Variants in SSH1 observed in about 807,000 individuals in gnomAD.
SSH1 encodes the protein protein phosphatase Slingshot homolog 1.
In SSH1, 43 loss-of-function variants were observed where a neutral mutation model predicts 79.7. The observed-to-expected ratio is 0.54, with a 90% CI of 0.42 to 0.70. The LOEUF is 0.70. Among genes scored for constraint, SSH1 ranks in the 30% least tolerant of loss-of-function variants. The probability of loss-of-function intolerance (pLI) is 0.00; values close to 1 mark genes in which losing one functional copy is unlikely to be tolerated. For missense variants in SSH1, 1,206 were observed against 1,358.8 expected, an observed-to-expected ratio of 0.89 and a Z score of 1.77; for synonymous variants, 599 against 538.3, an observed-to-expected ratio of 1.11 and a Z score of -1.56.
rs150828630 is a variant in SSH1, at chr12:108,832,492, C to T, written c.111-9131G>A. Among the ~76,000 whole-genome samples the T allele has an allele frequency of 6.1e-3, 921 of 152,210 alleles. 6 individuals are homozygous for T. Among genetic ancestry groups the T allele is most frequent in the Non-Finnish European group, 9.3e-3 (634 of 68,024 alleles). ...ATCTGACCTGCAGCAATAGCAGCAA[C>T]GTGGAAAGCTAATCAACTGACCTCA... On this transcript the variant is annotated intron_variant, in intron 2 of 14. Transcript: ENST00000326495.
intron 5 of SSH1, among the ~76,000 whole-genome samples, chr12:108,814,841 G>T (rs1051177276): frequency 6.6e-6 from 1 of 152,232 alleles, no homozygotes; most frequent in Admixed American, 6.5e-5. Flanking sequence ...GGGAGGAGAG[G>T]GTGGGAAGGA....
At chr12:108,795,877 C>T (rs1386026938) in intron 13 of SSH1, among the ~76,000 whole-genome samples, 1 of 151,966 alleles carries the variant, frequency 6.6e-6, no homozygotes, top group Non-Finnish European at 1.5e-5. Context: ...CCACCCTGAC[C>T]TCTTTTTATT....
chr12:108,804,158 G>T (rs1353375815), intron 10 of SSH1, among the ~76,000 whole-genome samples: 1 of 152,212 alleles, frequency 6.6e-6, no homozygotes, highest in Non-Finnish European at 1.5e-5. Context: ...CTAGGCTAAA[G>T]CTATCCTCCC....
Position 108,799,086 on chromosome 12 carries a change from G to A in SSH1, c.1263C>T (p.Asn421=), listed in dbSNP as rs369173634. The change falls in exon 13 of 15, where the codon AAC becomes AAT. Residue 421 remains asparagine, a synonymous_variant. Transcript: ENST00000326495. ...EFGWPLEKAY[N]YVKQKRSITR... is the part of the protein sequence containing the mutation. ...TGATGCTGCGCTTCTGCTTTACATA[G>A]TTATATGCTTTTTCCAGAGGCCAGC... The A allele has an allele frequency of 2.2e-5, 36 of 1,614,066 alleles. No individual in the cohort carries two copies. The highest frequency in any genetic ancestry group is 1.6e-5 in the Non-Finnish European group (19 of 1,180,058).
rs1168288206 is a variant in SSH1, at chr12:108,781,083, C to T, written c.*6905G>A. ...AGCATCCCACTAAACTTTTAATATTCAATAAGCAATTCTTAACCAAAATTT... is the reference window on the plus strand; with the variant it reads ...AGCATCCCACTAAACTTTTAATATTTAATAAGCAATTCTTAACCAAAATTT... On this transcript the variant is annotated 3_prime_UTR_variant, in exon 15 of 15. Transcript: ENST00000326495. The T allele has an allele frequency of 1.3e-5, 2 of 151,222 alleles. No homozygotes were observed. The highest frequency in any genetic ancestry group is 2.9e-5 in the Non-Finnish European group (2 of 67,822). 9.4% of individuals were successfully genotyped at this position (151,222 alleles called of 1,614,324 possible).
Position 108,778,408 on chromosome 12 carries a change from T to C in SSH1, c.*9580A>G, listed in dbSNP as rs2036117400. On this transcript the variant is annotated 3_prime_UTR_variant, in exon 15 of 15. Coordinates refer to ENST00000326495, the MANE Select transcript of SSH1 (RefSeq NM_018984.4). Reference sequence around the variant, plus strand: ...GGGGAGAAGATGGTGGGGTAGAAATTGCATGAATTTGGAGTCAGGCACTCC... The same window carrying C: ...GGGGAGAAGATGGTGGGGTAGAAATCGCATGAATTTGGAGTCAGGCACTCC... 1 of 152,196 alleles carries C rather than the reference T, an allele frequency of 6.6e-6. No individual in the cohort carries two copies. The highest frequency in any genetic ancestry group is 2.4e-5 in the African/African-American group (1 of 41,428). The allele number at this position is 152,196 out of a possible 1,614,324, so 9.4% of individuals were successfully genotyped here. A position where few individuals can be genotyped will look rare whatever the true frequency, so the allele number is the denominator to read the frequency against.
At chr12:108,805,250 T>C (rs749358243) in intron 9 of SSH1, 66 bp from the exon 10 acceptor site, 14 of 1,570,926 alleles carry the variant, frequency 8.9e-6, no homozygotes, top group Non-Finnish European at 1.1e-5. Flanking sequence ...CTCAAAAGAA[T>C]TAAAGTTACA....
rs568082414 is a variant in SSH1 at position 108,788,419 on chromosome 12, G to A, written c.2719C>T (p.His907Tyr). ...AAGTCTTTTGAGAAACTACTGGTGT[G>A]GTCCAGGCGGTAGAAGAAAGGAGGG... is the stretch of plus-strand genomic sequence containing the variant. ...SPPPFFYRLD[H>Y]TSSFSKDFLK... is the part of the protein sequence containing the mutation. Residue 907 changes from histidine to tyrosine, a missense_variant, in exon 15 of 15, where the codon CAC (histidine) becomes TAC (tyrosine). His to Tyr is a moderately conservative substitution (Grantham distance 83). Around this residue, in one of 5 missense-constraint regions of SSH1, gnomAD observed 709 missense variants for 730.6 expected, o/e 0.97. Transcript: ENST00000326495. The A allele has an allele frequency of 1.1e-5, 17 of 1,596,794 alleles. No individual in the cohort carries two copies. The highest frequency in any genetic ancestry group is 1.4e-5 in the Non-Finnish European group (17 of 1,172,780).
rs1401699021 is a variant in SSH1 at position 108,792,638 on chromosome 12, A to G, written c.1541T>C (p.Leu514Pro). Residue 514 changes from leucine to proline, a missense_variant, in exon 14 of 15, where the codon CTC becomes CCC. By Grantham distance (98) the Leu-to-Pro change is moderately conservative. Coordinates refer to ENST00000326495, the MANE Select transcript of SSH1 (RefSeq NM_018984.4). ...AGGGGAAGGCAGAAGGGGGTCTGAGAGTCGCCGGAAACAGCAGGGGAGGGG... is the reference window on the plus strand; with the variant it reads ...AGGGGAAGGCAGAAGGGGGTCTGAGGGTCGCCGGAAACAGCAGGGGAGGGG... Reference protein sequence around the residue: ...GPPLPCCFRRLSDPLLPSPED... With the variant: ...GPPLPCCFRRPSDPLLPSPED... 1.2e-6 allele frequency: 2 copies of G among 1,611,572 alleles called. No homozygotes were observed. Among genetic ancestry groups the G allele is most frequent in the African/African-American group, 1.3e-5 (1 of 74,886 alleles).
At position 108,852,322 on chromosome 12, in the gene SSH1, G is replaced by A. The variant is rs575260998; in HGVS notation, c.110+316C>T. On this transcript the variant is annotated intron_variant, in intron 2 of 14. Coordinates refer to ENST00000326495, the MANE Select transcript of SSH1 (RefSeq NM_018984.4). Reference sequence around the variant, plus strand: ...GCAATCTTGGCTCACTCTGCCTCCCGGGTTCAAGCGATTCCCCCGCCTCAG... The same window carrying A: ...GCAATCTTGGCTCACTCTGCCTCCCAGGTTCAAGCGATTCCCCCGCCTCAG... 1.3e-3 allele frequency among the ~76,000 whole-genome samples: 200 copies of A among 151,114 alleles called. 1 individual carries two copies. Among genetic ancestry groups the A allele is most frequent in the African/African-American group, 4.7e-3 (192 of 41,120 alleles).
intron 2 of SSH1, among the ~76,000 whole-genome samples, chr12:108,851,074 C>A (rs1292063744): frequency 6.6e-6 from 1 of 152,032 alleles, no homozygotes; most frequent in Non-Finnish European, 1.5e-5. Flanking sequence ...TGACGTGGGC[C>A]CTGACCTGAC....
At chr12:108,814,748 G>A (rs1429681603) in intron 5 of SSH1, among the ~76,000 whole-genome samples, 1 of 152,240 alleles carries the variant, frequency 6.6e-6, no homozygotes, top group African/African-American at 2.4e-5. Context: ...TCGAACTTGA[G>A]GGAAGAGCAT....
rs764302419 is a variant in SSH1, at chr12:108,800,887, A to G, written c.1041T>C (p.Asn347=). The G allele has an allele frequency of 1.5e-5, 25 of 1,614,020 alleles. No homozygotes were observed. Among genetic ancestry groups the G allele is most frequent in the Non-Finnish European group, 1.1e-5 (13 of 1,179,984 alleles). Residue 347 remains asparagine, a synonymous_variant, in exon 12 of 15, where the codon AAT becomes AAC. Transcript: ENST00000326495. ...GATATGCAAATAAGCCAGGAAAAAAATTATCGATTTCTCTGGTAACATTTA... is the reference window on the plus strand; with the variant it reads ...GATATGCAAATAAGCCAGGAAAAAAGTTATCGATTTCTCTGGTAACATTTA... ...YILNVTREID[N]FFPGLFAYHN... is the part of the protein sequence containing the mutation.
Position 108,857,338 on chromosome 12 carries a change from C to T in SSH1, c.69+90G>A. ...GGGCCCCGAGGAGCCCGCGCAGCCG[C>T]CCCCCTGCCCCGCACGCGCGGCCCC... On this transcript the variant is annotated intron_variant, in intron 1 of 14. Transcript: ENST00000326495. This position sits in a 1 kb window ranked among gnomAD's most constrained non-coding sequence, Gnocchi z 4.7. 1.3e-6 allele frequency: 1 copy of T among 772,362 alleles called. No individual in the cohort carries two copies. Among genetic ancestry groups the T allele is most frequent in the Non-Finnish European group, 1.6e-6 (1 of 635,906 alleles). The allele number at this position is 772,362 out of a possible 1,614,324, so 47.8% of individuals were successfully genotyped here.
At chr12:108,854,447 A>G (rs770851266) in intron 1 of SSH1, among the ~76,000 whole-genome samples, 2 of 152,272 alleles carry the variant, frequency 1.3e-5, no homozygotes, top group Non-Finnish European at 1.5e-5. Context: ...AGGAACTGAG[A>G]TAAGATTCAC....
At chr12:108,834,630 C>T (rs183918553) in intron 2 of SSH1, among the ~76,000 whole-genome samples, 1 of 152,264 alleles carries the variant, frequency 6.6e-6, no homozygotes, top group East Asian at 1.9e-4. Flanking sequence ...TGAAACCAAT[C>T]CCCTTGGATA....
chr12:108,789,026 T>G lies in SSH1; in HGVS notation c.2112A>C (p.Pro704=). The G allele has an allele frequency of 6.2e-7, 1 of 1,608,754 alleles. No homozygotes were observed. The highest frequency in any genetic ancestry group is 8.5e-7 in the Non-Finnish European group (1 of 1,176,368). The change falls in exon 15 of 15, where the codon CCA becomes CCC. Residue 704 remains proline, a synonymous_variant. Coordinates refer to ENST00000326495, the MANE Select transcript of SSH1 (RefSeq NM_018984.4). ...LASRSRVPEK[P]ASGPTEPPPF... Reference sequence around the variant, plus strand: ...GGGGAGGTTCGGTTGGGCCAGAGGCTGGCTTCTCCGGAACACGGGACCTGC... The same window carrying G: ...GGGGAGGTTCGGTTGGGCCAGAGGCGGGCTTCTCCGGAACACGGGACCTGC...
chr12:108,812,091 C>A (rs986406243), intron 5 of SSH1, among the ~76,000 whole-genome samples: 1 of 152,118 alleles, frequency 6.6e-6, no homozygotes, highest in East Asian at 1.9e-4. Context: ...CAGGTAGCGC[C>A]CTGCCCCATG....
rs1025156548 is a variant in SSH1 at position 108,781,590 on chromosome 12, G to C, written c.*6398C>G. On this transcript the variant is annotated 3_prime_UTR_variant, in exon 15 of 15. Coordinates refer to ENST00000326495, the MANE Select transcript of SSH1 (RefSeq NM_018984.4). ...GAACAAAATACTTCCTGGCTCTGCA[G>C]GCACTGGAATTTAGGGGTCACGCCC... The C allele has an allele frequency of 1.3e-5, 2 of 152,236 alleles. No homozygotes were observed. Among genetic ancestry groups the C allele is most frequent in the Non-Finnish European group, 2.9e-5 (2 of 68,046 alleles). The allele number at this position is 152,236 out of a possible 1,614,324, so 9.4% of individuals were successfully genotyped here.
Sources: allele counts gnomAD v4.1 joint callset (sites outside exome capture counted in the v4.1 genomes callset), GRCh38; gene constraint gnomAD v4.1.1; regional missense constraint gnomAD v4.1.1; non-coding constraint Gnocchi (gnomAD v3.1); transcripts MANE v1.5; gene names NCBI Gene and HGNC (gene_info 2026-07-23, HGNC 2026-07-21).